The following SHROOM3 variants were observed in gnomAD, a reference collection of about 807,000 sequenced individuals.
SHROOM3 encodes protein Shroom3.
SHROOM3 carries 47 observed loss-of-function variants against 138.6 expected under a neutral mutation model. The observed-to-expected ratio is 0.34, with a 90% confidence interval of 0.27 to 0.43. The LOEUF (loss-of-function observed/expected upper bound fraction) is 0.43, where lower values mean the gene tolerates loss of function less well. SHROOM3 is among the 20% of genes least tolerant of loss of function. SHROOM3 has a pLI of 1.00. For synonymous variants in SHROOM3, 1,062 were observed against 1,063.3 expected, an observed-to-expected ratio of 1.00 and a Z score of 0.02; for missense variants, 2,491 against 2,596.5, an observed-to-expected ratio of 0.96 and a Z score of 0.88.
At chr4:76,492,842 G>C (rs72657902) in intron 1 of SHROOM3, among the ~76,000 whole-genome samples, 5,215 of 152,302 alleles carry the variant, frequency 0.034, 101 homozygotes, top group Middle Eastern at 0.071. Context: ...TGCAGACAGA[G>C]AGCAGGCAAA....
At chr4:76,561,044 T>C (rs1236591693) in intron 2 of SHROOM3, among the ~76,000 whole-genome samples, 1 of 152,216 alleles carries the variant, frequency 6.6e-6, no homozygotes, top group Non-Finnish European at 1.5e-5. Flanking sequence ...ACACAGCATA[T>C]GAAGTCCTAG....
chr4:76,779,384 C>G lies in SHROOM3; in HGVS notation c.*207C>G, dbSNP rs146698323. The G allele has an allele frequency of 1.7e-6, 1 of 582,008 alleles. No individual in the cohort carries two copies. Among genetic ancestry groups the G allele is most frequent in the South Asian group, 2.3e-5 (1 of 43,558 alleles). The allele number at this position is 582,008 out of a possible 1,614,324, so 36.1% of individuals were successfully genotyped here. The stretch of plus-strand genomic sequence containing the variant: ...CTGAGAGCTCGAATGCTGCTGGACA[C>G]GTACCCCTTTCTATTATTACTTTGT... On this transcript the variant is annotated 3_prime_UTR_variant, in exon 11 of 11. Transcript: ENST00000296043.
intron 2 of SHROOM3, among the ~76,000 whole-genome samples, chr4:76,621,027 C>T (rs2110066311): frequency 6.6e-6 from 1 of 152,184 alleles, no homozygotes; most frequent in South Asian, 2.1e-4. Flanking sequence ...ATGTGGAAAC[C>T]TGAAGCAGCC....
At chr4:76,502,144 C>T (rs775788774) in intron 1 of SHROOM3, among the ~76,000 whole-genome samples, 8 of 152,122 alleles carry the variant, frequency 5.3e-5, no homozygotes, top group East Asian at 1.9e-4. Flanking sequence ...TGCCCTGTGC[C>T]GTCTCGGGAC....
chr4:76,632,403 A>G (rs1034811673), intron 2 of SHROOM3, among the ~76,000 whole-genome samples: 1 of 152,218 alleles, frequency 6.6e-6, no homozygotes, highest in Non-Finnish European at 1.5e-5. Flanking sequence ...GTTGGGGACA[A>G]GGAGAGAAAC....
At chr4:76,689,051 C>G (rs1433029967) in intron 2 of SHROOM3, 2 of 608,240 alleles carry the variant, frequency 3.3e-6, no homozygotes, top group African/African-American at 2.0e-5. Context: ...CTCTGAAAAG[C>G]GAGCGCGGGC....
chr4:76,756,324 A>T, intron 7 of SHROOM3, 125 bp from the exon 8 acceptor site: 1 of 1,132,538 alleles, frequency 8.8e-7, no homozygotes, highest in Non-Finnish European at 1.3e-6. Flanking sequence ...AGATGTGGAA[A>T]GCTACAGCCC....
chr4:76,480,507 G>C (rs757235766), intron 1 of SHROOM3, among the ~76,000 whole-genome samples: 18 of 129,354 alleles, frequency 1.4e-4, no homozygotes, highest in Non-Finnish European at 2.6e-4. Flanking sequence ...AGAGACCTAC[G>C]AAGAGACTTA....
intron 2 of SHROOM3, among the ~76,000 whole-genome samples, chr4:76,672,046 T>C (rs951207470): frequency 5.3e-5 from 8 of 152,160 alleles, no homozygotes; most frequent in African/African-American, 1.2e-4. Flanking sequence ...ACTTATGTGA[T>C]ACCATAGCCC....
At chr4:76,515,092 G>A (rs1732417500) in intron 1 of SHROOM3, among the ~76,000 whole-genome samples, 1 of 151,914 alleles carries the variant, frequency 6.6e-6, no homozygotes, top group Non-Finnish European at 1.5e-5. Flanking sequence ...CTGGAAGCCT[G>A]TAATCCCAGC....
intron 2 of SHROOM3, among the ~76,000 whole-genome samples, chr4:76,694,365 GTT>G (rs33989502): frequency 0.63 from 94,958 of 151,646 alleles, 30,226 homozygotes; most frequent in East Asian, 0.94. Context: ...CTTTTTGTTT[GTT>G]TTTTTTTGTG....
chr4:76,561,740 T>G (rs1303587935), intron 2 of SHROOM3, among the ~76,000 whole-genome samples: 1 of 148,238 alleles, frequency 6.7e-6, no homozygotes, highest in East Asian at 2.0e-4. Flanking sequence ...CCGGGCATGG[T>G]GGCTCACGTC....
intron 2 of SHROOM3, among the ~76,000 whole-genome samples, chr4:76,580,514 G>A (rs1193704210): frequency 1.4e-5 from 2 of 142,728 alleles, no homozygotes; most frequent in East Asian, 2.0e-4. Context: ...GTGTAACGGC[G>A]TGATCTTGGC....
At chr4:76,691,961 G>A (rs1348406551) in intron 2 of SHROOM3, among the ~76,000 whole-genome samples, 1 of 152,144 alleles carries the variant, frequency 6.6e-6, no homozygotes. Flanking sequence ...ATGGGTTGCC[G>A]CTTCTTCTGA....
intron 10 of SHROOM3, among the ~76,000 whole-genome samples, chr4:76,776,971 C>T (rs1176760601): frequency 6.6e-6 from 1 of 152,166 alleles, no homozygotes; most frequent in Non-Finnish European, 1.5e-5. Context: ...TGTTTTTACA[C>T]TAATACCATG....
intron 3 of SHROOM3, among the ~76,000 whole-genome samples, chr4:76,725,786 A>G (rs1396741688): frequency 1.3e-5 from 2 of 152,148 alleles, no homozygotes; most frequent in Non-Finnish European, 2.9e-5. Context: ...CCATAAGCTC[A>G]TACCCTTCAC....
intron 2 of SHROOM3, chr4:76,709,848 T>G (rs1720178759): frequency 3.1e-6 from 1 of 327,344 alleles, no homozygotes; most frequent in Non-Finnish European, 5.9e-6. Flanking sequence ...GAGTTTGTCT[T>G]TATAACAGTT....
intron 1 of SHROOM3, among the ~76,000 whole-genome samples, chr4:76,480,223 G>A (rs1368911128): frequency 1.3e-5 from 2 of 152,324 alleles, no homozygotes; most frequent in East Asian, 1.9e-4. Flanking sequence ...ACCCATCGGT[G>A]TGCTGTATTC....
intron 1 of SHROOM3, among the ~76,000 whole-genome samples, chr4:76,461,381 A>G (rs1731139527): frequency 6.6e-6 from 1 of 152,220 alleles, no homozygotes; most frequent in Non-Finnish European, 1.5e-5. Context: ...TTCATGGAAA[A>G]TCATAGATAT....
Sources: gnomAD v4.1 joint callset for allele counts (sites outside exome capture counted in the v4.1 genomes callset) on GRCh38, gnomAD v4.1.1 for gene constraint, MANE v1.5 for transcripts, NCBI Gene and HGNC (gene_info 2026-07-23, HGNC 2026-07-21) for gene names.